ATF7: variants seen among roughly 807,000 people sequenced by gnomAD.
ATF7 encodes cyclic AMP-dependent transcription factor ATF-7.
Under a neutral mutation model 50.4 loss-of-function variants are expected in ATF7, and 10 were observed. That is an observed-to-expected ratio of 0.20 (90% CI 0.12 to 0.34). The LOEUF is 0.34. Among genes scored for constraint, ATF7 ranks in the 10% least tolerant of loss-of-function variants. ATF7 has a pLI of 1.00. For synonymous variants in ATF7, 201 were observed against 226.4 expected, an observed-to-expected ratio of 0.89 and a Z score of 1.01; for missense variants, 465 against 613.9, an observed-to-expected ratio of 0.76 and a Z score of 2.56.
At position 53,532,502 on chromosome 12, in the gene ATF7, G is replaced by A. The variant is rs1042610574; in HGVS notation, c.774+8C>T. On this transcript the variant is annotated splice_region_variant and intron_variant, in intron 8 of 11. Coordinates refer to ENST00000420353, the MANE Select transcript of ATF7 (RefSeq NM_006856.3). The stretch of plus-strand genomic sequence containing the variant: ...GGCCAACATTGCCCCAGACTGGGAT[G>A]TACTCACCATCTTGGCTTCTGATGG... 3 of 1,568,902 alleles carry A rather than the reference G, an allele frequency of 1.9e-6. No individual in the cohort carries two copies. The highest frequency in any genetic ancestry group is 1.7e-6 in the Non-Finnish European group (2 of 1,149,910).
At chr12:53,569,679 T>A (rs557383789) in intron 2 of ATF7, among the ~76,000 whole-genome samples, 123 of 146,138 alleles carry the variant, frequency 8.4e-4, no homozygotes, top group African/African-American at 2.9e-3. Flanking sequence ...AATTTTTTTT[T>A]AATTTTTTTT....
intron 1 of ATF7, among the ~76,000 whole-genome samples, chr12:53,617,601 C>T (rs1944196498): frequency 6.6e-6 from 1 of 152,048 alleles, no homozygotes; most frequent in Non-Finnish European, 1.5e-5. Flanking sequence ...TGCACTCCAG[C>T]CTGGGTGACA....
intron 2 of ATF7, among the ~76,000 whole-genome samples, chr12:53,572,595 T>G (rs1941824334): frequency 6.6e-6 from 1 of 152,136 alleles, no homozygotes; most frequent in East Asian, 1.9e-4. Flanking sequence ...AGCCTCCCCT[T>G]ACCCGTGGTT....
In ATF7 at chr12:53,528,559, T is replaced by A. The variant is rs531382863; in HGVS notation, c.927+3185A>T. Among the ~76,000 whole-genome samples the A allele has an allele frequency of 1.5e-3, 230 of 151,760 alleles. 3 individuals are homozygous for A. The highest frequency in any genetic ancestry group is 5.1e-3 in the African/African-American group (212 of 41,422). ...GAGTGGATCACCTGAGGTCAGGAGT[T>A]CGAGACCAGCCTGGCCAACATGGTG... is the stretch of plus-strand genomic sequence containing the variant. On this transcript the variant is annotated intron_variant, in intron 9 of 11. Transcript: ENST00000420353.
At chr12:53,587,366 CAA>C (rs55904354) in intron 2 of ATF7, among the ~76,000 whole-genome samples, 45 of 62,236 alleles carry the variant, frequency 7.2e-4, no homozygotes, top group East Asian at 4.1e-3. Context: ...AATTCCGCAT[CAA>C]AAAAAAAAAA....
chr12:53,593,519 A>G (rs1943033135), intron 2 of ATF7, among the ~76,000 whole-genome samples: 1 of 152,242 alleles, frequency 6.6e-6, no homozygotes, highest in South Asian at 2.1e-4. Flanking sequence ...AAAATCTTCC[A>G]GAGAGCATCT....
intron 2 of ATF7, among the ~76,000 whole-genome samples, chr12:53,587,669 A>G: frequency 6.9e-6 from 1 of 145,320 alleles, no homozygotes; most frequent in Non-Finnish European, 1.5e-5. Flanking sequence ...TGATAGAGCG[A>G]TCAAAAAAAA....
chr12:53,543,597 T>C, intron 3 of ATF7, 149 bp from the exon 4 acceptor site: 1 of 805,166 alleles, frequency 1.2e-6, no homozygotes, highest in Non-Finnish European at 1.9e-6. Context: ...GGAGCTCTAG[T>C]AGGCGAAGGC....
chr12:53,564,877 T>G (rs1941357804), intron 2 of ATF7, among the ~76,000 whole-genome samples: 1 of 152,156 alleles, frequency 6.6e-6, no homozygotes, highest in East Asian at 1.9e-4. Flanking sequence ...TTATCAGATT[T>G]TTTGGCGATT....
intron 1 of ATF7, among the ~76,000 whole-genome samples, chr12:53,621,395 A>C (rs1944372123): frequency 6.6e-6 from 1 of 152,224 alleles, no homozygotes; most frequent in Non-Finnish European, 1.5e-5. Context: ...AACATATGAG[A>C]AATGGTCAAG....
chr12:53,582,470 T>C (rs1007937879), intron 2 of ATF7, among the ~76,000 whole-genome samples: 72 of 151,786 alleles, frequency 4.7e-4, no homozygotes, highest in Non-Finnish European at 1.0e-4. Flanking sequence ...ACCCTGTTTC[T>C]ACCAACACCC....
intron 2 of ATF7, among the ~76,000 whole-genome samples, chr12:53,570,643 T>A (rs1298433812): frequency 6.6e-6 from 1 of 152,160 alleles, no homozygotes. Flanking sequence ...ATGTGTTTCA[T>A]GTCTCTCCTA....
At chr12:53,624,039 G>A (rs1409229299) in intron 1 of ATF7, among the ~76,000 whole-genome samples, 9 of 151,822 alleles carry the variant, frequency 5.9e-5, no homozygotes, top group African/African-American at 1.9e-4. Context: ...TAGCACTAGT[G>A]AGAAAAAAAA....
At position 53,531,856 on chromosome 12, in the gene ATF7, T is replaced by A. The variant is rs544572146; in HGVS notation, c.815A>T (p.Asn272Ile). The A allele has an allele frequency of 6.2e-7, 1 of 1,613,588 alleles. No homozygotes were observed. Among genetic ancestry groups the A allele is most frequent in the South Asian group, 1.1e-5 (1 of 90,994 alleles). Residue 272 changes from asparagine to isoleucine, a missense_variant, in exon 9 of 12, where the codon AAT (asparagine) becomes ATT (isoleucine). Coordinates refer to ENST00000420353, the MANE Select transcript of ATF7 (RefSeq NM_006856.3). ...ATLTHQVSSINGGCGMVVGTA... is the reference protein window; with the variant it reads ...ATLTHQVSSIIGGCGMVVGTA... ...ACCCACCACCATTCCACAACCACCA[T>A]TGATTGAGGAGACTTGGTGAGTTAG...
At position 53,512,255 on chromosome 12, in the gene ATF7, C is replaced by T. The variant is rs552962155; in HGVS notation, c.*4882G>A. On this transcript the variant is annotated 3_prime_UTR_variant, in exon 12 of 12. Coordinates refer to ENST00000420353, the MANE Select transcript of ATF7 (RefSeq NM_006856.3). ...CCAGGAGATTGTGAGAACCAGCTCACAGGGATCATGCTGAATCAGGTGGAG... is the reference window on the plus strand; with the variant it reads ...CCAGGAGATTGTGAGAACCAGCTCATAGGGATCATGCTGAATCAGGTGGAG... The T allele has an allele frequency of 1.3e-5, 2 of 152,258 alleles. No individual in the cohort carries two copies. The highest frequency in any genetic ancestry group is 2.9e-5 in the Non-Finnish European group (2 of 68,040). The allele number at this position is 152,258 out of a possible 1,614,324, so 9.4% of individuals were successfully genotyped here.
chr12:53,626,222 G>C (rs1236897844), intron 1 of ATF7, 57 bp downstream of exon 1: 1 of 152,854 alleles, frequency 6.5e-6, no homozygotes, highest in Admixed American at 6.5e-5. Context: ...GGACTGGCCA[G>C]AGTTGAAAGG....
At chr12:53,610,052 A>T (rs150059876) in intron 1 of ATF7, among the ~76,000 whole-genome samples, 4,835 of 151,390 alleles carry the variant, frequency 0.032, 265 homozygotes, top group African/African-American at 0.11. Context: ...CCTGACCTCA[A>T]GTGATCCGCC....
chr12:53,616,767 A>AC (rs1944140446), intron 1 of ATF7, among the ~76,000 whole-genome samples: 4 of 151,482 alleles, frequency 2.6e-5, no homozygotes, highest in African/African-American at 9.7e-5. Flanking sequence ...ACACAGTGAA[A>AC]CCCCATCTCT....
chr12:53,539,530 T>C (rs1592819654), intron 4 of ATF7, among the ~76,000 whole-genome samples: 1 of 151,706 alleles, frequency 6.6e-6, no homozygotes, highest in East Asian at 2.0e-4. Flanking sequence ...CCTGTCTCTA[T>C]GAAAATAAAT....
Sources: allele counts gnomAD v4.1 joint callset (sites outside exome capture counted in the v4.1 genomes callset), GRCh38; gene constraint gnomAD v4.1.1; transcripts MANE v1.5; gene names NCBI Gene and HGNC (gene_info 2026-07-23, HGNC 2026-07-21).